The following PCDH7 variants were observed in gnomAD, a reference collection of about 807,000 sequenced individuals.
PCDH7 encodes protocadherin-7.
A neutral mutation model predicts 58.9 loss-of-function variants in PCDH7; 17 were observed. The ratio of observed to expected loss-of-function variants is 0.29; its 90% CI spans 0.20 to 0.43. The LOEUF (loss-of-function observed/expected upper bound fraction) is 0.43, where lower values mean the gene tolerates loss of function less well. Among genes scored for constraint, PCDH7 ranks in the 20% least tolerant of loss-of-function variants. The pLI is 1.00. For synonymous variants in PCDH7, 664 were observed against 616.4 expected (o/e 1.08, Z -1.14); for missense variants, 1,274 against 1,441.0 (o/e 0.88, Z 1.88).
chr4:30,887,888 T>G (rs1017070429), intron 1 of PCDH7, among the ~76,000 whole-genome samples: 1 of 151,930 alleles, frequency 6.6e-6, no homozygotes, highest in Non-Finnish European at 1.5e-5. Flanking sequence ...TTTTTTCTTT[T>G]TTTTGGAGAT....
chr4:31,059,638 C>T (rs953172384), intron 3 of PCDH7, among the ~76,000 whole-genome samples: 1 of 151,764 alleles, frequency 6.6e-6, no homozygotes, highest in Non-Finnish European at 1.5e-5. Flanking sequence ...TGTACATTTC[C>T]ATTTGTTCAA....
chr4:31,140,678 G>C (rs1366638854), intron 3 of PCDH7, among the ~76,000 whole-genome samples: 1 of 150,390 alleles, frequency 6.6e-6, no homozygotes, highest in Non-Finnish European at 1.5e-5. Flanking sequence ...CTTGCAGTTT[G>C]TTCATTTAAA....
rs73214961 is a variant in PCDH7 at position 30,995,528 on chromosome 4, A to C, written c.*7+45313A>C. ...CTCCCTCCCAAAGGAAAAAAAAAAA[A>C]AGATGAACGAGGAAGGGTGTGTTTA... On this transcript the variant is annotated intron_variant, in intron 3 of 3. Coordinates refer to the PCDH7 transcript ENST00000509759. 9.0e-3 allele frequency among the ~76,000 whole-genome samples: 1,375 copies of C among 152,170 alleles called. 15 individuals are homozygous for C. Among genetic ancestry groups the C allele is most frequent in the Non-Finnish European group, 0.014 (966 of 67,978 alleles).
chr4:30,754,048 C>T (rs1411718484), intron 1 of PCDH7, among the ~76,000 whole-genome samples: 3 of 152,134 alleles, frequency 2.0e-5, no homozygotes, highest in Admixed American at 1.3e-4. Context: ...AAACCCTATA[C>T]ACACGCTTCT....
chr4:30,860,244 CCT>C (rs1221600730), intron 1 of PCDH7, among the ~76,000 whole-genome samples: 2 of 151,898 alleles, frequency 1.3e-5, no homozygotes, highest in Non-Finnish European at 2.9e-5. Flanking sequence ...AAAATCATGA[CCT>C]CTCTCTCTCC....
intron 2 of PCDH7, among the ~76,000 whole-genome samples, chr4:30,922,841 C>G (rs1214366033): frequency 6.6e-6 from 1 of 152,118 alleles, no homozygotes; most frequent in African/African-American, 2.4e-5. Flanking sequence ...TGTGGCTGAT[C>G]TAAATGTAGC....
At chr4:31,059,978 C>G (rs1216116341) in intron 3 of PCDH7, among the ~76,000 whole-genome samples, 2 of 151,722 alleles carry the variant, frequency 1.3e-5, no homozygotes, top group Non-Finnish European at 1.5e-5. Context: ...ATTATTGAAG[C>G]ATAATGATGG....
chr4:30,943,412 C>T (rs1746290074), intron 2 of PCDH7, among the ~76,000 whole-genome samples: 1 of 152,140 alleles, frequency 6.6e-6, no homozygotes, highest in Admixed American at 6.6e-5. Flanking sequence ...CACCAGTGAG[C>T]AAACTAAGGA....
intron 3 of PCDH7, 89 bp from the exon 3 acceptor site, chr4:31,142,384 T>C (rs993875668): frequency 1.3e-5 from 14 of 1,097,010 alleles, no homozygotes; most frequent in Non-Finnish European, 1.7e-5. Context: ...GTAAGGAATA[T>C]ATTTATATAT....
At chr4:30,783,420 A>C (rs1407041099) in intron 1 of PCDH7, among the ~76,000 whole-genome samples, 2 of 152,216 alleles carry the variant, frequency 1.3e-5, no homozygotes, top group Non-Finnish European at 2.9e-5. Flanking sequence ...GACAAGGAAA[A>C]AGATAATGAA....
intron 3 of PCDH7, among the ~76,000 whole-genome samples, chr4:31,002,287 T>C (rs892356241): frequency 6.6e-6 from 1 of 152,218 alleles, no homozygotes; most frequent in Non-Finnish European, 1.5e-5. Context: ...CACCATGGTT[T>C]CACCAGCAGT....
intron 2 of PCDH7, among the ~76,000 whole-genome samples, chr4:30,948,307 A>G (rs771569334): frequency 1.3e-5 from 2 of 151,466 alleles, no homozygotes; most frequent in African/African-American, 2.4e-5. Flanking sequence ...AAAAAAAGCT[A>G]TATTTCATGC....
At position 30,721,876 on chromosome 4, in the gene PCDH7, G is replaced by C; in HGVS notation, c.454G>C (p.Val152Leu). The change falls in exon 1 of 2, where the codon GTG becomes CTG. Residue 152 changes from valine to leucine, a missense_variant. Physicochemically the swap from Val to Leu is conservative, Grantham distance 32. Coordinates refer to ENST00000361762, the Ensembl canonical transcript of PCDH7. This position sits in a 1 kb window ranked among gnomAD's most constrained non-coding sequence, Gnocchi z 6.7. Reference sequence around the variant, plus strand: ...CCCGTCGCCCGTGCTCACGCTCACGGTGGAGGAGAATCGGCCGGTGGGCAC... The same window carrying C: ...CCCGTCGCCCGTGCTCACGCTCACGCTGGAGGAGAATCGGCCGGTGGGCAC... The C allele has an allele frequency of 6.2e-7, 1 of 1,601,942 alleles. No individual in the cohort carries two copies. Among genetic ancestry groups the C allele is most frequent in the South Asian group, 1.1e-5 (1 of 89,214 alleles).
intron 1 of PCDH7, among the ~76,000 whole-genome samples, chr4:30,853,322 GGA>G (rs955166066): frequency 3.3e-5 from 5 of 152,078 alleles, no homozygotes; most frequent in African/African-American, 7.2e-5. Flanking sequence ...CAAATGTCTA[GGA>G]GAGTGTGCGG....
rs1713431386 is a variant in PCDH7, at chr4:30,721,134, G to T, written c.-289G>T. 3 of 433,962 alleles carry T rather than the reference G, an allele frequency of 6.9e-6. No individual in the cohort carries two copies. The highest frequency in any genetic ancestry group is 1.2e-5 in the Non-Finnish European group (3 of 244,340). The allele number at this position is 433,962 out of a possible 1,614,324, so 26.9% of individuals were successfully genotyped here. A position where few individuals can be genotyped will look rare whatever the true frequency, so the allele number is the denominator to read the frequency against. On this transcript the variant is annotated 5_prime_UTR_variant, in exon 1 of 2. Transcript: ENST00000361762. This position sits in a 1 kb window ranked among gnomAD's most constrained non-coding sequence, Gnocchi z 6.7. ...GTGTCCCGTGAACTGTGAGTACTGC[G>T]ACTGAACGGCGGCAGGCGAGCGGGC...
Position 30,721,509 on chromosome 4 carries a change from C to T in PCDH7, c.87C>T (p.Ala29=). ...TGCCGCTCTCGCTCAGCCTGGCGGC[C>T]GCCAAGCAGCTCCTCCGGTACCGGC... The change falls in exon 1 of 2, where the codon GCC becomes GCT. Residue 29 remains alanine, a synonymous_variant. Transcript: ENST00000361762. This position sits in a 1 kb window ranked among gnomAD's most constrained non-coding sequence, Gnocchi z 6.7. The T allele has an allele frequency of 6.3e-7, 1 of 1,599,652 alleles. No individual in the cohort carries two copies. The highest frequency in any genetic ancestry group is 8.5e-7 in the Non-Finnish European group (1 of 1,178,676).
chr4:31,013,030 G>A (rs1419509283), intron 3 of PCDH7, among the ~76,000 whole-genome samples: 2 of 149,954 alleles, frequency 1.3e-5, no homozygotes, highest in Non-Finnish European at 3.0e-5. Context: ...AATATAAAAT[G>A]AAATAAATTA....
intron 3 of PCDH7, among the ~76,000 whole-genome samples, chr4:31,041,612 A>G (rs770321640): frequency 6.6e-6 from 1 of 152,034 alleles, no homozygotes; most frequent in Admixed American, 6.6e-5. Flanking sequence ...CCTACAACGA[A>G]AAGAATTGTC....
At chr4:31,020,362 C>A (rs1560580997) in intron 3 of PCDH7, among the ~76,000 whole-genome samples, 1 of 152,230 alleles carries the variant, frequency 6.6e-6, no homozygotes, top group South Asian at 2.1e-4. Flanking sequence ...TCTCTCTCTC[C>A]CTCTCTCGCA....
Sources: allele counts gnomAD v4.1 joint callset (sites outside exome capture counted in the v4.1 genomes callset), GRCh38; gene constraint gnomAD v4.1.1; non-coding constraint Gnocchi (gnomAD v3.1); transcripts MANE v1.5; gene names NCBI Gene and HGNC (gene_info 2026-07-23, HGNC 2026-07-21).